The following CD47 variants were observed in gnomAD, a reference collection of about 807,000 sequenced individuals.
The protein encoded by CD47 is leukocyte surface antigen CD47.
In CD47, 11 loss-of-function variants were observed where a neutral mutation model predicts 44.6. The observed-to-expected ratio is 0.25, with a 90% CI of 0.16 to 0.41. The LOEUF (loss-of-function observed/expected upper bound fraction) is 0.41. CD47 is among the 10% of genes least tolerant of loss of function. CD47 has a pLI of 1.00. For synonymous variants in CD47, 140 were observed against 136.3 expected (o/e 1.03, Z -0.19); for missense variants, 306 against 386.7 (o/e 0.79, Z 1.75).
chr3:108,044,688 T>C lies in CD47; in HGVS notation c.*2600A>G, dbSNP rs2078692206. 1 of 152,030 alleles carries C rather than the reference T, an allele frequency of 6.6e-6. No individual in the cohort carries two copies. The highest frequency in any genetic ancestry group is 2.4e-5 in the African/African-American group (1 of 41,392). 9.4% of individuals were successfully genotyped at this position (152,030 alleles called of 1,614,324 possible). A position where few individuals can be genotyped will look rare whatever the true frequency, so the allele number is the denominator to read the frequency against. On this transcript the variant is annotated 3_prime_UTR_variant, in exon 11 of 11. Transcript: ENST00000361309. ...CTAAGCAGAGATGCATAAAGTACTA[T>C]AGGAATGGTAAGTTAAGAGACAAAA...
chr3:108,083,865 T>C (rs1046648768), intron 1 of CD47, among the ~76,000 whole-genome samples: 1 of 150,872 alleles, frequency 6.6e-6, no homozygotes. Context: ...TCCTTCCCTA[T>C]AAACCTACCT....
At chr3:108,051,830 C>T in intron 8 of CD47, 109 bp downstream of exon 8, 1 of 844,992 alleles carries the variant, frequency 1.2e-6, no homozygotes, top group Non-Finnish European at 2.0e-6. Flanking sequence ...TCAACATTCT[C>T]TTAATTTGAC....
chr3:108,076,939 T>A (rs1413773465), intron 2 of CD47, among the ~76,000 whole-genome samples: 1 of 152,206 alleles, frequency 6.6e-6, no homozygotes, highest in African/African-American at 2.4e-5. Context: ...TTTATCCAAC[T>A]TTTCTTAAGC....
In CD47 at chr3:108,047,255, C is replaced by T; in HGVS notation, c.*33G>A. 6.3e-7 allele frequency: 1 copy of T among 1,588,946 alleles called. No individual in the cohort carries two copies. The highest frequency in any genetic ancestry group is 8.6e-7 in the Non-Finnish European group (1 of 1,159,320). On this transcript the variant is annotated 3_prime_UTR_variant, in exon 11 of 11. Transcript: ENST00000361309. ...AGTGTATTCCTTTCACGTCTTACTA[C>T]TCTCCAAATCGGAGTCCATCACTTC... is the stretch of plus-strand genomic sequence containing the variant.
intron 5 of CD47, among the ~76,000 whole-genome samples, chr3:108,058,740 GT>G (rs2078960999): frequency 2.6e-5 from 4 of 152,192 alleles, no homozygotes; most frequent in African/African-American, 9.6e-5. Context: ...TATTATGAAT[GT>G]CTTCTCCACA....
rs910865697 is a variant in CD47, at chr3:108,044,974, G to T, written c.*2314C>A. ...ATTTAAATGTGATGTGATGGAATTT[G>T]GGAGCCATTACAAATCTGATTTAAA... On this transcript the variant is annotated 3_prime_UTR_variant, in exon 11 of 11. Coordinates refer to ENST00000361309, the MANE Select transcript of CD47 (RefSeq NM_001777.4). 5.9e-5 allele frequency: 9 copies of T among 152,598 alleles called. No homozygotes were observed. Among genetic ancestry groups the T allele is most frequent in the African/African-American group, 2.2e-4 (9 of 41,442 alleles). 9.5% of individuals were successfully genotyped at this position (152,598 alleles called of 1,614,324 possible).
rs1199592387 is a variant in CD47 at position 108,044,839 on chromosome 3, A to C, written c.*2449T>G. ...GGACAAATGGTGTCACTGTGAGAAC[A>C]CACAATAAATAAAACTGAATGGAAG... On this transcript the variant is annotated 3_prime_UTR_variant, in exon 11 of 11. Coordinates refer to ENST00000361309, the MANE Select transcript of CD47 (RefSeq NM_001777.4). 6.6e-6 allele frequency: 1 copy of C among 152,628 alleles called. No homozygotes were observed. Among genetic ancestry groups the C allele is most frequent in the Non-Finnish European group, 1.5e-5 (1 of 68,052 alleles). 9.5% of individuals were successfully genotyped at this position (152,628 alleles called of 1,614,324 possible).
intron 8 of CD47, chr3:108,050,919 CAG>C (rs958456818): frequency 3.8e-5 from 14 of 365,116 alleles, no homozygotes; most frequent in Middle Eastern, 4.1e-4. Context: ...ATAGCAACAA[CAG>C]AATAAATAAC....
intron 3 of CD47, among the ~76,000 whole-genome samples, chr3:108,065,811 C>CAAAAAAAAAAAAAAAAAAAAAA: frequency 1.6e-5 from 1 of 61,166 alleles, no homozygotes; most frequent in Non-Finnish European, 2.9e-5. Flanking sequence ...GACTCCGTCT[C>CAAAAAAAAAAAAAAAAAAAAAA]AAAAAAAAAA....
chr3:108,066,341 CCA>C (rs1403014686), intron 3 of CD47, among the ~76,000 whole-genome samples: 3 of 152,162 alleles, frequency 2.0e-5, no homozygotes, highest in Admixed American at 1.3e-4. Flanking sequence ...GATATGAATT[CCA>C]GTTACCATGG....
At chr3:108,078,945 GC>G (rs2079362219) in intron 2 of CD47, among the ~76,000 whole-genome samples, 1 of 152,066 alleles carries the variant, frequency 6.6e-6, no homozygotes, top group African/African-American at 2.4e-5. Flanking sequence ...ACTCGGTTAA[GC>G]ACCTTCTCAA....
At chr3:108,065,129 C>T (rs1038165336) in intron 3 of CD47, among the ~76,000 whole-genome samples, 2 of 152,194 alleles carry the variant, frequency 1.3e-5, no homozygotes, top group Middle Eastern at 3.2e-3. Context: ...ATCCAACTTG[C>T]TCTAATGAAA....
intron 4 of CD47, among the ~76,000 whole-genome samples, chr3:108,060,266 T>C (rs1189637231): frequency 6.6e-6 from 1 of 152,218 alleles, no homozygotes; most frequent in African/African-American, 2.4e-5. Context: ...TACTGCATTA[T>C]ATGGCAAAAG....
intron 1 of CD47, among the ~76,000 whole-genome samples, chr3:108,088,775 T>C (rs1373905282): frequency 1.3e-5 from 2 of 152,208 alleles, no homozygotes; most frequent in African/African-American, 2.4e-5. Flanking sequence ...TAATTGTACA[T>C]GAGTGGGGGC....
chr3:108,076,275 C>G (rs971175353), intron 2 of CD47, among the ~76,000 whole-genome samples: 7 of 152,304 alleles, frequency 4.6e-5, no homozygotes, highest in Middle Eastern at 3.4e-3. Context: ...TCATTATAAA[C>G]AGACCATATG....
chr3:108,059,457 C>A lies in CD47; in HGVS notation c.686G>T (p.Ser229Ile). 1 of 1,445,394 alleles carries A rather than the reference C, an allele frequency of 6.9e-7. No homozygotes were observed. The highest frequency in any genetic ancestry group is 9.4e-7 in the Non-Finnish European group (1 of 1,066,678). 89.5% of individuals were successfully genotyped at this position (1,445,394 alleles called of 1,614,324 possible). Residue 229 changes from serine (S) to isoleucine (I), a missense_variant, in exon 5 of 11, where the codon AGT becomes ATT. By Grantham distance (142) the Ser-to-Ile change is moderately radical (BLOSUM62 -2). Around this residue, in one of 5 missense-constraint regions of CD47, gnomAD observed 131 missense variants for 135.3 expected, o/e 0.97. Coordinates refer to ENST00000361309, the MANE Select transcript of CD47 (RefSeq NM_001777.4). ...CTGTAACAATGAAAACTCACCTGTA[C>A]TAAACACATAGTAGTGAAGTAATAT... ...ILILLHYYVF[S>I]TAIGLTSFVI...
intron 2 of CD47, among the ~76,000 whole-genome samples, chr3:108,078,293 T>C (rs866656247): frequency 6.6e-6 from 1 of 152,092 alleles, no homozygotes; most frequent in African/African-American, 2.4e-5. Flanking sequence ...TTTTATAGGG[T>C]ATTTTGCAAA....
At position 108,079,978 on chromosome 3, in the gene CD47, A is replaced by G; in HGVS notation, c.400+13T>C. The G allele has an allele frequency of 1.3e-6, 2 of 1,565,378 alleles. No homozygotes were observed. The highest frequency in any genetic ancestry group is 2.2e-5 in the East Asian group (1 of 44,470). The stretch of plus-strand genomic sequence containing the variant: ...AGGACAAATAAAAAAAGAAGCTTTC[A>G]TAGAAGTCTTACCAACACGATATTT... On this transcript the variant is annotated intron_variant, in intron 2 of 10. Coordinates refer to ENST00000361309, the MANE Select transcript of CD47 (RefSeq NM_001777.4).
At chr3:108,072,256 A>G (rs948738107) in intron 2 of CD47, among the ~76,000 whole-genome samples, 1 of 152,190 alleles carries the variant, frequency 6.6e-6, no homozygotes, top group Non-Finnish European at 1.5e-5. Flanking sequence ...AGCAAGCACT[A>G]GCATTCCTCT....
Sources: allele counts gnomAD v4.1 joint callset (sites outside exome capture counted in the v4.1 genomes callset), GRCh38; gene constraint gnomAD v4.1.1; regional missense constraint gnomAD v4.1.1; transcripts MANE v1.5; gene names NCBI Gene and HGNC (gene_info 2026-07-23, HGNC 2026-07-21).